EVI5: variants seen among roughly 807,000 people sequenced by gnomAD.
EVI5 encodes the protein ecotropic viral integration site 5 protein homolog.
EVI5 carries 73 observed loss-of-function variants against 112.0 expected under a neutral mutation model. The observed-to-expected ratio is 0.65, with a 90% CI of 0.54 to 0.79. The LOEUF (loss-of-function observed/expected upper bound fraction) is 0.79. Ranked by LOEUF, EVI5 falls within the 30% of genes least tolerant of loss-of-function variation. The probability of loss-of-function intolerance (pLI) is 0.00; values close to 1 mark genes in which losing one functional copy is unlikely to be tolerated. For synonymous variants in EVI5, 305 were observed against 319.9 expected (o/e 0.95, Z 0.50); for missense variants, 900 against 968.8 (o/e 0.93, Z 0.94).
In EVI5 at chr1:92,772,104, G is replaced by A. The variant is rs183780053; in HGVS notation, c.-82+12732C>T. Among the ~76,000 whole-genome samples, 505 of 151,278 alleles carry A rather than the reference G, an allele frequency of 3.3e-3. 4 individuals carry two copies. The highest frequency in any genetic ancestry group is 0.012 in the African/African-American group (493 of 41,338). ...CCTGACCTTGTGATCTGCCCACCTC[G>A]GCCTCCCAAAGTGCTGGAATTACAG... On this transcript the variant is annotated intron_variant, in intron 1 of 19. Coordinates refer to ENST00000684568, the MANE Select transcript of EVI5 (RefSeq NM_001350197.2).
chr1:92,716,862 G>C (rs910908658), intron 2 of EVI5, among the ~76,000 whole-genome samples: 1 of 144,488 alleles, frequency 6.9e-6, no homozygotes, highest in Non-Finnish European at 1.5e-5. Flanking sequence ...CTAAAAACCA[G>C]AGCGCCTCTT....
intron 9 of EVI5, among the ~76,000 whole-genome samples, chr1:92,685,551 T>C: frequency 6.6e-6 from 1 of 151,840 alleles, no homozygotes; most frequent in African/African-American, 2.4e-5. Flanking sequence ...ATAACTAAGA[T>C]CAGAGCAGAA....
chr1:92,736,651 A>G (rs1188857375), intron 1 of EVI5, 24 bp from the exon 2 acceptor site: 2 of 1,493,390 alleles, frequency 1.3e-6, no homozygotes, highest in Non-Finnish European at 1.9e-6. Flanking sequence ...TAAAAGTTGC[A>G]TATACTTTAG....
chr1:92,527,534 T>C (rs1035285111), intron 19 of EVI5, among the ~76,000 whole-genome samples: 2 of 152,182 alleles, frequency 1.3e-5, no homozygotes, highest in Non-Finnish European at 2.9e-5. Context: ...TGTGTACAAG[T>C]TGGTAAAATT....
chr1:92,595,039 A>G (rs549991363), intron 18 of EVI5, among the ~76,000 whole-genome samples: 120 of 152,072 alleles, frequency 7.9e-4, no homozygotes, highest in African/African-American at 2.6e-3. Context: ...TAGAAATACC[A>G]TTTGACCCAG....
chr1:92,693,784 A>G lies in EVI5; in HGVS notation c.1097+18T>C, dbSNP rs747803221. ...TGCAACTTCCACTGAATTTCCAACA[A>G]AAATATAAAATACTTACTTTTTCAT... On this transcript the variant is annotated intron_variant, in intron 9 of 19. Transcript: ENST00000684568. 1.4e-6 allele frequency: 2 copies of G among 1,411,444 alleles called. No individual in the cohort carries two copies. Among genetic ancestry groups the G allele is most frequent in the South Asian group, 2.4e-5 (2 of 83,206 alleles). 87.4% of individuals were successfully genotyped at this position (1,411,444 alleles called of 1,614,324 possible). A position where few individuals can be genotyped will look rare whatever the true frequency, so the allele number is the denominator to read the frequency against.
intron 14 of EVI5, among the ~76,000 whole-genome samples, chr1:92,629,970 T>C (rs533064291): frequency 6.6e-6 from 1 of 152,260 alleles, no homozygotes; most frequent in East Asian, 1.9e-4. Context: ...TCCAGCTTCA[T>C]CCACGTCCCT....
At chr1:92,695,872 T>C (rs530590468) in intron 6 of EVI5, among the ~76,000 whole-genome samples, 3 of 151,916 alleles carry the variant, frequency 2.0e-5, no homozygotes, top group South Asian at 2.1e-4. Context: ...TCCTAAAGAA[T>C]AGGAAAAATA....
intron 19 of EVI5, among the ~76,000 whole-genome samples, chr1:92,551,040 C>CTTTTTTTTTTTTTTTTTT (rs55898086): frequency 8.7e-5 from 7 of 80,702 alleles, no homozygotes; most frequent in Admixed American, 4.0e-4. Flanking sequence ...TTCTTTCTTT[C>CTTTTTTTTTTTTTTTTTT]TTTTTTTTTT....
At chr1:92,688,670 C>G (rs1185000953) in intron 9 of EVI5, among the ~76,000 whole-genome samples, 5 of 152,154 alleles carry the variant, frequency 3.3e-5, no homozygotes, top group African/African-American at 1.2e-4. Context: ...GTAGGAAAGA[C>G]TATAGATAGA....
intron 5 of EVI5, among the ~76,000 whole-genome samples, chr1:92,698,204 T>G (rs555600112): frequency 6.6e-6 from 1 of 152,308 alleles, no homozygotes; most frequent in East Asian, 1.9e-4. Context: ...TGAAACCAAC[T>G]GCCTCAACTT....
Position 92,695,314 on chromosome 1 carries a change from G to A in EVI5, c.905C>T (p.Ser302Phe). ...TTTGTCTGCCCATTAGCTTACCTCAGACATAAAGATATCAAATATCCTTGT... is the reference window on the plus strand; with the variant it reads ...TTTGTCTGCCCATTAGCTTACCTCAAACATAAAGATATCAAATATCCTTGT... ...IATRIFDIFM[S>F]EGLEIVFRVG... Residue 302 changes from serine to phenylalanine, a missense_variant, in exon 7 of 20, where the codon TCT becomes TTT. Coordinates refer to ENST00000684568, the MANE Select transcript of EVI5 (RefSeq NM_001350197.2). The A allele has an allele frequency of 6.2e-7, 1 of 1,608,808 alleles. No homozygotes were observed. The highest frequency in any genetic ancestry group is 8.5e-7 in the Non-Finnish European group (1 of 1,177,360).
chr1:92,748,957 T>C (rs969068404), intron 1 of EVI5, among the ~76,000 whole-genome samples: 15 of 150,986 alleles, frequency 9.9e-5, no homozygotes, highest in African/African-American at 3.2e-4. Context: ...TCCCAGCTAC[T>C]TGGGAGGCTG....
chr1:92,762,119 A>C (rs1332330286), intron 1 of EVI5, among the ~76,000 whole-genome samples: 2 of 152,226 alleles, frequency 1.3e-5, no homozygotes, highest in African/African-American at 4.8e-5. Context: ...GGAATTACAG[A>C]AAAAGGGAAA....
At chr1:92,662,512 T>G (rs1039594633) in intron 13 of EVI5, among the ~76,000 whole-genome samples, 7 of 152,060 alleles carry the variant, frequency 4.6e-5, no homozygotes, top group Non-Finnish European at 7.4e-5. Context: ...AACAAAACTA[T>G]GTAGACAGAA....
In EVI5 at chr1:92,697,868, T is replaced by C; in HGVS notation, c.757A>G (p.Met253Val). 1 of 1,612,484 alleles carries C rather than the reference T, an allele frequency of 6.2e-7. No homozygotes were observed. Among genetic ancestry groups the C allele is most frequent in the East Asian group, 2.2e-5 (1 of 44,804 alleles). Residue 253 changes from methionine (M) to valine (V), a missense_variant, in exon 6 of 20, where the codon ATG (methionine) becomes GTG (valine). Met to Val is a conservative substitution (Grantham distance 21). Coordinates refer to ENST00000684568, the MANE Select transcript of EVI5 (RefSeq NM_001350197.2). ...LGLCMYQFEC[M>V]IQEHLPELFV... ...CAACACTGCACTTTTACCTGTATCATACATTCAAACTGGTACATACAAAGG... is the reference window on the plus strand; with the variant it reads ...CAACACTGCACTTTTACCTGTATCACACATTCAAACTGGTACATACAAAGG...
upstream of EVI5, among the ~76,000 whole-genome samples, chr1:92,788,445 G>C (rs1685820349): frequency 1.3e-5 from 2 of 151,390 alleles, no homozygotes; most frequent in African/African-American, 2.4e-5. Context: ...TTGCACTCCA[G>C]CCTAGGTGAC....
chr1:92,676,696 A>G (rs1666802007), intron 10 of EVI5, among the ~76,000 whole-genome samples: 1 of 152,180 alleles, frequency 6.6e-6, no homozygotes, highest in Non-Finnish European at 1.5e-5. Context: ...GAGTAGTTCA[A>G]AAGTATAACC....
At chr1:92,578,700 A>G (rs1671472296) in intron 18 of EVI5, among the ~76,000 whole-genome samples, 1 of 150,142 alleles carries the variant, frequency 6.7e-6, no homozygotes, top group Non-Finnish European at 1.5e-5. Flanking sequence ...CCTGGGAGAC[A>G]GAGCAAGACT....
Sources: allele counts gnomAD v4.1 joint callset (sites outside exome capture counted in the v4.1 genomes callset), GRCh38; gene constraint gnomAD v4.1.1; transcripts MANE v1.5; gene names NCBI Gene and HGNC (gene_info 2026-07-23, HGNC 2026-07-21).